Variants in CERK observed in about 807,000 individuals in gnomAD.
CERK encodes ceramide kinase, also known as acylsphingosine kinase.
CERK carries 39 observed loss-of-function variants against 63.4 expected under a neutral mutation model. That is an observed-to-expected ratio of 0.61 (90% confidence interval 0.48 to 0.80). The LOEUF is 0.80. Among genes scored for constraint, CERK ranks in the 30% least tolerant of loss-of-function variants. The probability of loss-of-function intolerance (pLI) is 0.00; values close to 1 mark genes in which losing one functional copy is unlikely to be tolerated. For synonymous variants in CERK, 302 were observed against 280.0 expected (o/e 1.08, Z -0.78); for missense variants, 670 against 714.1 (o/e 0.94, Z 0.70).
In CERK at chr22:46,686,335, A is replaced by G. The variant is rs1011386149; in HGVS notation, c.*799T>C. 2.0e-5 allele frequency: 3 copies of G among 152,246 alleles called. No individual in the cohort carries two copies. The highest frequency in any genetic ancestry group is 7.2e-5 in the African/African-American group (3 of 41,458). 9.4% of individuals were successfully genotyped at this position (152,246 alleles called of 1,614,324 possible). ...GGCCAGCTTCCTCCTGACTGCCCCC[A>G]AGCCCGGCTGTGTTAAGCACTTCGC... On this transcript the variant is annotated 3_prime_UTR_variant, in exon 13 of 13. Coordinates refer to ENST00000216264, the MANE Select transcript of CERK (RefSeq NM_022766.6).
intron 4 of CERK, 54 bp downstream of exon 4, chr22:46,712,112 CTA>C (rs2082843987): frequency 1.9e-6 from 3 of 1,599,872 alleles, no homozygotes; most frequent in Non-Finnish European, 1.7e-6. Context: ...TCTCTAGTGA[CTA>C]TACTTGAATC....
At chr22:46,731,778 G>C (rs75070398) in intron 1 of CERK, among the ~76,000 whole-genome samples, 9 of 152,324 alleles carry the variant, frequency 5.9e-5, no homozygotes, top group Non-Finnish European at 1.2e-4. Context: ...TGCAAGCCAG[G>C]CCACAGGCAC....
At chr22:46,732,585 C>CTT (rs60804134) in intron 1 of CERK, among the ~76,000 whole-genome samples, 11 of 141,644 alleles carry the variant, frequency 7.8e-5, no homozygotes, top group Admixed American at 1.4e-4. Flanking sequence ...AAGGATATCA[C>CTT]TTTTTTTTTT....
chr22:46,702,204 A>C (rs2082788829), intron 6 of CERK, among the ~76,000 whole-genome samples: 1 of 137,458 alleles, frequency 7.3e-6, no homozygotes, highest in Non-Finnish European at 1.5e-5. Flanking sequence ...AGGAGCCAAA[A>C]AGTTAAAAAA....
intron 5 of CERK, among the ~76,000 whole-genome samples, chr22:46,709,587 C>A (rs1031274804): frequency 8.5e-5 from 13 of 152,260 alleles, no homozygotes; most frequent in African/African-American, 2.9e-4. Context: ...AGTGCTGGGA[C>A]CTGGAGGACC....
At chr22:46,722,274 A>G (rs1001273651) in intron 1 of CERK, among the ~76,000 whole-genome samples, 19 of 152,228 alleles carry the variant, frequency 1.2e-4, no homozygotes, top group Non-Finnish European at 2.4e-4. Context: ...ATGGAAATCA[A>G]GTTCTAGGAA....
intron 6 of CERK, among the ~76,000 whole-genome samples, chr22:46,703,454 C>T (rs1431021035): frequency 1.3e-5 from 2 of 152,290 alleles, no homozygotes; most frequent in East Asian, 1.9e-4. Flanking sequence ...CTGCCACCAC[C>T]GGCCGTGCGC....
At position 46,691,052 on chromosome 22, in the gene CERK, T is replaced by TACACACACACAC. The variant is rs753033175; in HGVS notation, c.1332+519_1332+520insGTGTGTGTGTGT. Among the ~76,000 whole-genome samples, 25 of 78,514 alleles carry TACACACACACAC rather than the reference T, an allele frequency of 3.2e-4. No homozygotes were observed. The South Asian group carries it at 8.0e-3, about 25-fold the overall frequency. 51.5% of individuals were successfully genotyped at this position (78,514 alleles called of 152,430 possible). On this transcript the variant is annotated intron_variant, in intron 11 of 12. Transcript: ENST00000216264. ...ATACACATACACACACATGTATACA[T>TACACACACACAC]ACATACACACACACACACACACACA...
chr22:46,713,834 T>A (rs1190600276), intron 3 of CERK, among the ~76,000 whole-genome samples: 1 of 152,040 alleles, frequency 6.6e-6, no homozygotes, highest in Non-Finnish European at 1.5e-5. Context: ...AGTCATTGAT[T>A]GAAACTTAGG....
In CERK at chr22:46,731,905, C is replaced by A. The variant is rs1220583056; in HGVS notation, c.142+6102G>T. On this transcript the variant is annotated intron_variant, in intron 1 of 12. Coordinates refer to ENST00000216264, the MANE Select transcript of CERK (RefSeq NM_022766.6). ...ACGGCACTGGAGAAGGGATTAGTGA[C>A]CCTCAGGGTGCTCTCTAAACTTCCA... Among the ~76,000 whole-genome samples the A allele has an allele frequency of 2.0e-5, 3 of 152,014 alleles. No homozygotes were observed. In the East Asian group the frequency reaches 5.8e-4, roughly 29 times the overall value.
intron 12 of CERK, among the ~76,000 whole-genome samples, chr22:46,687,503 C>A (rs910691202): frequency 2.6e-5 from 4 of 152,226 alleles, no homozygotes; most frequent in Admixed American, 6.5e-5. Context: ...GGTGGGAAAT[C>A]TGGGCATCGG....
At chr22:46,700,872 G>A (rs969975398) in intron 7 of CERK, among the ~76,000 whole-genome samples, 8 of 152,028 alleles carry the variant, frequency 5.3e-5, no homozygotes, top group African/African-American at 9.7e-5. Flanking sequence ...TGAACTGGAC[G>A]TGGTGGCGCG....
chr22:46,693,880 A>G (rs1279525720), intron 9 of CERK: 1 of 290,026 alleles, frequency 3.4e-6, no homozygotes, highest in East Asian at 9.5e-5. Flanking sequence ...AAAACAAATC[A>G]TACAGGGTTT....
chr22:46,737,035 T>A (rs1210281968), intron 1 of CERK, among the ~76,000 whole-genome samples: 2 of 152,124 alleles, frequency 1.3e-5, no homozygotes, highest in Non-Finnish European at 2.9e-5. Flanking sequence ...TGCTCACACC[T>A]GTAATCCCAG....
At chr22:46,698,198 G>A (rs1307774822) in intron 8 of CERK, among the ~76,000 whole-genome samples, 4 of 152,252 alleles carry the variant, frequency 2.6e-5, no homozygotes, top group Non-Finnish European at 5.9e-5. Flanking sequence ...TATAAAGTGG[G>A]GCAGGAGCAC....
intron 3 of CERK, among the ~76,000 whole-genome samples, chr22:46,715,326 G>C (rs892413079): frequency 1.3e-5 from 2 of 152,166 alleles, no homozygotes; most frequent in African/African-American, 4.8e-5. Flanking sequence ...CAGCTGACAT[G>C]ATCGTGTTTG....
chr22:46,721,151 A>C lies in CERK; in HGVS notation c.143-136T>G, dbSNP rs183450728. On this transcript the variant is annotated intron_variant, in intron 1 of 12. Transcript: ENST00000216264. ...ATTCAGGCTGGGTGTGGTGGTGTGC[A>C]CCTGTAATCCCAGCACTTTGGGAGG... The C allele has an allele frequency of 1.8e-4, 112 of 626,746 alleles. 1 individual carries two copies. The highest frequency in any genetic ancestry group is 1.6e-3 in the African/African-American group (87 of 55,416). 38.8% of individuals were successfully genotyped at this position (626,746 alleles called of 1,614,324 possible). A position where few individuals can be genotyped will look rare whatever the true frequency, so the allele number is the denominator to read the frequency against.
chr22:46,734,379 A>C (rs1456565056), intron 1 of CERK, among the ~76,000 whole-genome samples: 1 of 152,220 alleles, frequency 6.6e-6, no homozygotes, highest in African/African-American at 2.4e-5. Flanking sequence ...TTTACATGAG[A>C]TAAAGCAGCC....
At chr22:46,718,226 G>A (rs1241335664) in intron 3 of CERK, among the ~76,000 whole-genome samples, 2 of 151,320 alleles carry the variant, frequency 1.3e-5, no homozygotes, top group Non-Finnish European at 2.9e-5. Flanking sequence ...AGATGAAAAT[G>A]AACCCACATT....
Sources: allele counts gnomAD v4.1 joint callset (sites outside exome capture counted in the v4.1 genomes callset), GRCh38; gene constraint gnomAD v4.1.1; transcripts MANE v1.5; gene names NCBI Gene and HGNC (gene_info 2026-07-23, HGNC 2026-07-21).